Variants in RBFOX1 observed in about 807,000 individuals in gnomAD.
RBFOX1 encodes the protein RNA binding fox-1 homolog 1.
A neutral mutation model predicts 57.7 loss-of-function variants in RBFOX1; 8 were observed. The ratio of observed to expected loss-of-function variants is 0.14; its 90% confidence interval spans 0.08 to 0.25. RBFOX1 has a LOEUF of 0.25. RBFOX1 is among the 10% of genes least tolerant of loss of function. The pLI is 1.00. For synonymous variants in RBFOX1, 326 were observed against 222.4 expected (o/e 1.47, Z -4.15); for missense variants, 611 against 548.5 (o/e 1.11, Z -1.14).
intron 3 of RBFOX1, among the ~76,000 whole-genome samples, chr16:5,769,106 A>C (rs951145709): frequency 6.6e-6 from 1 of 152,208 alleles, no homozygotes; most frequent in Non-Finnish European, 1.5e-5. Flanking sequence ...AAATATTGAT[A>C]TATAGGATAT....
At chr16:7,345,014 A>G (rs947319599) in intron 4 of RBFOX1, among the ~76,000 whole-genome samples, 1 of 151,216 alleles carries the variant, frequency 6.6e-6, no homozygotes, top group Non-Finnish European at 1.5e-5. Flanking sequence ...GAGAAGATCA[A>G]ACCTGGAGGT....
chr16:5,711,226 C>T (rs932076687), intron 3 of RBFOX1, among the ~76,000 whole-genome samples: 4 of 152,214 alleles, frequency 2.6e-5, no homozygotes, highest in Non-Finnish European at 5.9e-5. Flanking sequence ...AATAGTAACT[C>T]ATTTAATCTG....
chr16:5,307,496 C>T (rs1236713666), intron 1 of RBFOX1, among the ~76,000 whole-genome samples: 1 of 152,150 alleles, frequency 6.6e-6, no homozygotes, highest in Non-Finnish European at 1.5e-5. Context: ...CACTTCCCCT[C>T]CTTATGCCAC....
chr16:5,982,233 G>C (rs905602847), intron 4 of RBFOX1, among the ~76,000 whole-genome samples: 1 of 152,068 alleles, frequency 6.6e-6, no homozygotes, highest in Non-Finnish European at 1.5e-5. Flanking sequence ...TTCTGGAATA[G>C]TCCAGGGATG....
chr16:7,078,463 T>G (rs1372629713), intron 4 of RBFOX1, among the ~76,000 whole-genome samples: 1 of 152,074 alleles, frequency 6.6e-6, no homozygotes, highest in African/African-American at 2.4e-5. Flanking sequence ...TTCTCCTACC[T>G]CAGTCTCCCG....
intron 1 of RBFOX1, among the ~76,000 whole-genome samples, chr16:6,296,711 T>C (rs538581005): frequency 1.1e-3 from 169 of 152,300 alleles, no homozygotes; most frequent in African/African-American, 3.9e-3. Context: ...TGAGCCACCG[T>C]ACCCAGCCTG....
intron 4 of RBFOX1, among the ~76,000 whole-genome samples, chr16:7,509,062 G>A (rs187396499): frequency 4.6e-5 from 7 of 152,334 alleles, no homozygotes; most frequent in Admixed American, 3.9e-4. Flanking sequence ...TAAAGAGGCT[G>A]CCTTTGGCAT....
chr16:5,571,227 T>TA (rs1433744125), intron 2 of RBFOX1, among the ~76,000 whole-genome samples: 2 of 145,022 alleles, frequency 1.4e-5, no homozygotes, highest in East Asian at 4.0e-4. Context: ...TTTTTTTTTT[T>TA]TTTTTTTTTT....
At chr16:7,368,811 G>T (rs2097515015) in intron 4 of RBFOX1, among the ~76,000 whole-genome samples, 1 of 151,606 alleles carries the variant, frequency 6.6e-6, no homozygotes, top group Non-Finnish European at 1.5e-5. Flanking sequence ...AATAATTGGA[G>T]TGTATGTCCT....
chr16:6,256,586 C>G (rs2097668822), intron 1 of RBFOX1, among the ~76,000 whole-genome samples: 2 of 151,972 alleles, frequency 1.3e-5, no homozygotes. Flanking sequence ...CCGATATAAT[C>G]AATATGTCAA....
intron 3 of RBFOX1, among the ~76,000 whole-genome samples, chr16:5,836,017 G>A (rs2056445456): frequency 6.6e-6 from 1 of 152,236 alleles, no homozygotes; most frequent in African/African-American, 2.4e-5. Context: ...TGGGCCTGGA[G>A]TTGAGAACTC....
intron 14 of RBFOX1, among the ~76,000 whole-genome samples, chr16:7,679,949 A>G (rs1266382156): frequency 6.6e-6 from 1 of 152,208 alleles, no homozygotes; most frequent in Admixed American, 6.5e-5. Flanking sequence ...TTGGCAAAGC[A>G]CTTGACCTTC....
chr16:6,879,211 T>G (rs2062426438), intron 3 of RBFOX1, among the ~76,000 whole-genome samples: 1 of 152,220 alleles, frequency 6.6e-6, no homozygotes, highest in Non-Finnish European at 1.5e-5. Context: ...ATGATATTTT[T>G]ATGATTATTC....
chr16:7,155,640 C>T (rs1278954673), intron 4 of RBFOX1, among the ~76,000 whole-genome samples: 1 of 142,050 alleles, frequency 7.0e-6, no homozygotes, highest in African/African-American at 2.7e-5. Flanking sequence ...CCAATATTCC[C>T]AGGAATTGGG....
At chr16:5,742,665 G>A (rs540961229) in intron 3 of RBFOX1, among the ~76,000 whole-genome samples, 1 of 152,322 alleles carries the variant, frequency 6.6e-6, no homozygotes, top group African/African-American at 2.4e-5. Flanking sequence ...GCATAACAGA[G>A]TACTGGCCCA....
intron 1 of RBFOX1, among the ~76,000 whole-genome samples, chr16:6,053,023 C>T (rs1311528831): frequency 1.3e-5 from 2 of 151,964 alleles, no homozygotes; most frequent in Non-Finnish European, 2.9e-5. Context: ...CACCACATCT[C>T]AGTAATTTTA....
intron 3 of RBFOX1, among the ~76,000 whole-genome samples, chr16:5,749,591 C>T (rs945993854): frequency 2.0e-5 from 3 of 152,182 alleles, no homozygotes; most frequent in Admixed American, 6.5e-5. Flanking sequence ...CTCTAAACTT[C>T]TCTTCTCGCT....
chr16:5,841,045 T>C (rs1350538811), intron 3 of RBFOX1, among the ~76,000 whole-genome samples: 1 of 152,202 alleles, frequency 6.6e-6, no homozygotes, highest in Non-Finnish European at 1.5e-5. Context: ...CTCAGGCAGG[T>C]TAGCAAGCTC....
At chr16:7,486,940 C>T (rs1160833105) in intron 4 of RBFOX1, among the ~76,000 whole-genome samples, 5 of 152,142 alleles carry the variant, frequency 3.3e-5, no homozygotes, top group Non-Finnish European at 5.9e-5. Context: ...TGCTCTGTCA[C>T]CCAGTCTGGA....
Sources: gnomAD v4.1 joint callset for allele counts (sites outside exome capture counted in the v4.1 genomes callset) on GRCh38, gnomAD v4.1.1 for gene constraint, MANE v1.5 for transcripts, NCBI Gene and HGNC (gene_info 2026-07-23, HGNC 2026-07-21) for gene names.